Variants in TIAM2 observed in about 807,000 individuals in gnomAD.
TIAM2 encodes TIAM Rac1 associated GEF 2.
Under a neutral mutation model 152.9 loss-of-function variants are expected in TIAM2, and 80 were observed. The observed-to-expected ratio is 0.52, with a 90% CI of 0.44 to 0.63. The LOEUF (loss-of-function observed/expected upper bound fraction) is 0.63, where lower values mean the gene tolerates loss of function less well. TIAM2 is among the 30% of genes least tolerant of loss of function. The pLI, the probability that TIAM2 is intolerant of heterozygous loss-of-function variation, is 0.00. For missense variants in TIAM2, 1,965 were observed against 2,120.1 expected (o/e 0.93, Z 1.44); for synonymous variants, 804 against 838.0 (o/e 0.96, Z 0.70).
At chr6:155,185,123 C>CT (rs11404301) in intron 14 of TIAM2, among the ~76,000 whole-genome samples, 48,612 of 92,574 alleles carry the variant, frequency 0.53, 13,138 homozygotes, top group Non-Finnish European at 0.56. Context: ...GCAAATTTAC[C>CT]TTTTTTTTTT....
At chr6:155,254,241 C>T (rs915764183) in intron 25 of TIAM2, 178 bp from the exon 26 acceptor site, 2 of 1,023,080 alleles carry the variant, frequency 2.0e-6, no homozygotes, top group African/African-American at 3.2e-5. Context: ...ATATCAAAAT[C>T]TTAAGAGTGA....
At chr6:155,113,626 C>T (rs985478026) in intron 2 of TIAM2, among the ~76,000 whole-genome samples, 7 of 151,882 alleles carry the variant, frequency 4.6e-5, no homozygotes, top group African/African-American at 1.2e-4. Context: ...TGGGAGGCTG[C>T]GGCAGGAGAA....
chr6:155,238,828 T>C (rs568066593), intron 15 of TIAM2, among the ~76,000 whole-genome samples: 1 of 152,252 alleles, frequency 6.6e-6, no homozygotes, highest in African/African-American at 2.4e-5. Flanking sequence ...GTGTAGGAAC[T>C]GTTTCTACTT....
chr6:155,010,787 T>C (rs1043241807), intron 1 of TIAM2, among the ~76,000 whole-genome samples: 3 of 152,130 alleles, frequency 2.0e-5, no homozygotes, highest in Non-Finnish European at 4.4e-5. Flanking sequence ...CGGTGGCTCA[T>C]GTTGGCCAGG....
chr6:155,145,800 C>T (rs1779808292), intron 6 of TIAM2, among the ~76,000 whole-genome samples: 1 of 152,096 alleles, frequency 6.6e-6, no homozygotes, highest in South Asian at 2.1e-4. Context: ...AGAAGTGCTC[C>T]CTCACTTACC....
intron 13 of TIAM2, 91 bp downstream of exon 13, chr6:155,182,409 C>A: frequency 8.6e-7 from 1 of 1,161,530 alleles, no homozygotes; most frequent in South Asian, 1.3e-5. Flanking sequence ...ACAGTTTTGT[C>A]AGAAAAAGGT....
intron 14 of TIAM2, among the ~76,000 whole-genome samples, chr6:155,209,603 A>T (rs906627509): frequency 1.3e-5 from 2 of 152,150 alleles, no homozygotes; most frequent in African/African-American, 4.8e-5. Context: ...GGGACCCTTC[A>T]TGCCTTTCGG....
chr6:155,000,900 C>T (rs983731869), intron 1 of TIAM2, among the ~76,000 whole-genome samples: 2 of 152,148 alleles, frequency 1.3e-5, no homozygotes, highest in African/African-American at 2.4e-5. Context: ...ACGAGAATTG[C>T]TTGAATCCGA....
At chr6:155,110,826 C>T (rs947744653) in intron 2 of TIAM2, among the ~76,000 whole-genome samples, 3 of 152,164 alleles carry the variant, frequency 2.0e-5, no homozygotes, top group African/African-American at 7.2e-5. Context: ...GAAAGGGATG[C>T]AGTGGGCTCC....
chr6:155,246,684 A>G (rs1368324017), intron 19 of TIAM2, among the ~76,000 whole-genome samples: 3 of 152,088 alleles, frequency 2.0e-5, no homozygotes, highest in African/African-American at 7.2e-5. Context: ...AAGCATACCA[A>G]TGTACTTGTC....
At chr6:155,080,659 T>A (rs1015261393) in intron 1 of TIAM2, among the ~76,000 whole-genome samples, 11 of 152,110 alleles carry the variant, frequency 7.2e-5, no homozygotes, top group African/African-American at 2.2e-4. Flanking sequence ...GGTCTCGAAC[T>A]CCTGACCTCA....
At chr6:155,079,561 G>T (rs1025321250) in intron 1 of TIAM2, among the ~76,000 whole-genome samples, 4 of 152,246 alleles carry the variant, frequency 2.6e-5, no homozygotes, top group African/African-American at 9.6e-5. Context: ...TGACTTGTCA[G>T]CTATAGTCAG....
chr6:155,086,158 G>C (rs1245139773), intron 1 of TIAM2, among the ~76,000 whole-genome samples: 1 of 152,180 alleles, frequency 6.6e-6, no homozygotes, highest in African/African-American at 2.4e-5. Context: ...ACGCAGAGAG[G>C]GTCCTGAGGA....
intron 14 of TIAM2, among the ~76,000 whole-genome samples, chr6:155,210,178 C>G (rs1781686932): frequency 6.6e-6 from 1 of 152,088 alleles, no homozygotes; most frequent in Non-Finnish European, 1.5e-5. Flanking sequence ...CAGTTGTAGG[C>G]TGGAAAACTA....
rs1310241533 is a variant in TIAM2 at position 155,249,054 on chromosome 6, T to TA, written c.3833-792dup. Reference sequence around the variant, plus strand: ...AATTATGTTCAGCATTCATACTATGTAAAAACTTCATTTTGTATTAAGATG... The same window carrying TA: ...AATTATGTTCAGCATTCATACTATGTAAAAAACTTCATTTTGTATTAAGATG... On this transcript the variant is annotated intron_variant, in intron 20 of 26. Transcript: ENST00000682666. 7.2e-5 allele frequency among the ~76,000 whole-genome samples: 11 copies of TA among 152,346 alleles called. No individual in the cohort carries two copies. In the South Asian group the frequency reaches 2.1e-3, roughly 29 times the overall value.
chr6:155,053,237 G>A (rs1777360144), intron 1 of TIAM2, among the ~76,000 whole-genome samples: 1 of 152,202 alleles, frequency 6.6e-6, no homozygotes, highest in African/African-American at 2.4e-5. Context: ...AAGAGCAAAG[G>A]AGGAAGGCAA....
intron 1 of TIAM2, among the ~76,000 whole-genome samples, chr6:155,057,031 T>C (rs1158803334): frequency 7.9e-6 from 1 of 127,370 alleles, no homozygotes; most frequent in Non-Finnish European, 1.6e-5. Context: ...TTTTTTTTTT[T>C]TTTTTTTTTT....
chr6:155,244,224 C>T, intron 17 of TIAM2, 145 bp downstream of exon 17: 1 of 786,600 alleles, frequency 1.3e-6, no homozygotes, highest in Non-Finnish European at 2.1e-6. Context: ...CAGGCATAGC[C>T]TCCTCCTAAA....
At chr6:155,225,946 C>A (rs1357104474) in intron 15 of TIAM2, among the ~76,000 whole-genome samples, 2 of 152,136 alleles carry the variant, frequency 1.3e-5, no homozygotes, top group East Asian at 3.9e-4. Context: ...AGGCAAGTAG[C>A]CCTTGGCAGT....
Sources: gnomAD v4.1 joint callset for allele counts (sites outside exome capture counted in the v4.1 genomes callset) on GRCh38, gnomAD v4.1.1 for gene constraint, MANE v1.5 for transcripts, NCBI Gene and HGNC (gene_info 2026-07-23, HGNC 2026-07-21) for gene names.